The following SPARCL1 variants were observed in gnomAD, a reference collection of about 807,000 sequenced individuals.
SPARCL1 encodes SPARC-like protein 1.
Under a neutral mutation model 67.1 loss-of-function variants are expected in SPARCL1, and 52 were observed. The observed-to-expected ratio is 0.78, with a 90% CI of 0.62 to 0.98. The LOEUF (loss-of-function observed/expected upper bound fraction) is 0.98. SPARCL1 is among the 50% of genes least tolerant of loss of function. The probability of loss-of-function intolerance (pLI) is 0.00; values close to 1 mark genes in which losing one functional copy is unlikely to be tolerated. For synonymous variants in SPARCL1, 226 were observed against 267.8 expected, an observed-to-expected ratio of 0.84 and a Z score of 1.52; for missense variants, 717 against 782.4, an observed-to-expected ratio of 0.92 and a Z score of 1.00.
intron 7 of SPARCL1, among the ~76,000 whole-genome samples, chr4:87,488,990 A>G (rs907509833): frequency 4.6e-5 from 7 of 152,224 alleles, no homozygotes; most frequent in African/African-American, 1.4e-4. Flanking sequence ...TGCTGGCAGC[A>G]AGAATTTCAA....
chr4:87,508,091 A>G (rs555800935), intron 1 of SPARCL1, among the ~76,000 whole-genome samples: 2 of 152,220 alleles, frequency 1.3e-5, no homozygotes, highest in South Asian at 4.1e-4. Context: ...TGGAGACTTC[A>G]TGAAAGGATA....
intron 1 of SPARCL1, chr4:87,528,495 A>G (rs1200527260): frequency 2.0e-5 from 3 of 152,194 alleles, no homozygotes; most frequent in African/African-American, 7.2e-5. Flanking sequence ...AGGGAAAATA[A>G]TCGCAATAAC....
At chr4:87,497,556 T>C (rs965098324) in intron 2 of SPARCL1, among the ~76,000 whole-genome samples, 8 of 152,240 alleles carry the variant, frequency 5.3e-5, no homozygotes, top group African/African-American at 1.9e-4. Context: ...ATTTGGAATC[T>C]CCCAACTACA....
chr4:87,511,893 A>G (rs776696783), intron 1 of SPARCL1, among the ~76,000 whole-genome samples: 1 of 151,946 alleles, frequency 6.6e-6, no homozygotes, highest in African/African-American at 2.4e-5. Context: ...GGGAATATGC[A>G]GTTACAGGAA....
intron 7 of SPARCL1, among the ~76,000 whole-genome samples, chr4:87,489,751 T>C (rs1288754040): frequency 6.6e-6 from 1 of 152,162 alleles, no homozygotes; most frequent in Non-Finnish European, 1.5e-5. Flanking sequence ...TCCTCTCCTG[T>C]GTCTGGAAGG....
chr4:87,499,960 C>T (rs1724780537), intron 1 of SPARCL1, among the ~76,000 whole-genome samples: 1 of 152,064 alleles, frequency 6.6e-6, no homozygotes, highest in Non-Finnish European at 1.5e-5. Flanking sequence ...TAAAGAAACA[C>T]ATTCATTCAG....
At position 87,511,967 on chromosome 4, in the gene SPARCL1, C is replaced by CTCTTTTT. The variant is rs71667858; in HGVS notation, c.-11-12383_-11-12382insAAAAAGA. 5.6e-3 allele frequency among the ~76,000 whole-genome samples: 677 copies of CTCTTTTT among 121,510 alleles called. 28 individuals carry two copies. The highest frequency in any genetic ancestry group is 0.02 in the African/African-American group (631 of 31,400). The allele number at this position is 121,510 out of a possible 152,430, so 79.7% of individuals were successfully genotyped here. ...TTCCTTTCCTTTCCTCTTTCTTTCT[C>CTCTTTTT]TTTTTTTTTTTTTTTGAGACAGAGT... is the stretch of plus-strand genomic sequence containing the variant. On this transcript the variant is annotated intron_variant, in intron 1 of 10. Transcript: ENST00000282470.
In SPARCL1 at chr4:87,482,059, A is replaced by C. The variant is rs116257930; in HGVS notation, c.1668+365T>G. ...TTGAGTAATGGATTTACTTTATATC[A>C]TACATCTATGTCTGGCCTATGAGAA... On this transcript the variant is annotated intron_variant, in intron 8 of 10. Transcript: ENST00000282470. Among the ~76,000 whole-genome samples the C allele has an allele frequency of 6.5e-3, 987 of 152,350 alleles. 11 individuals carry two copies. The highest frequency in any genetic ancestry group is 0.022 in the African/African-American group (924 of 41,592).
chr4:87,515,259 A>C (rs1230001646), intron 1 of SPARCL1, among the ~76,000 whole-genome samples: 1 of 152,212 alleles, frequency 6.6e-6, no homozygotes, highest in Non-Finnish European at 1.5e-5. Context: ...GACTTTGATC[A>C]AGTCACTGGT....
At chr4:87,502,529 T>A in intron 1 of SPARCL1, among the ~76,000 whole-genome samples, 1 of 152,242 alleles carries the variant, frequency 6.6e-6, no homozygotes, top group Admixed American at 6.5e-5. Flanking sequence ...ATACTGTTAA[T>A]TTTTTATTTC....
At chr4:87,477,138 G>C (rs1333640814) in intron 10 of SPARCL1, among the ~76,000 whole-genome samples, 2 of 152,216 alleles carry the variant, frequency 1.3e-5, no homozygotes. Flanking sequence ...GCCCAGCGGA[G>C]CCTGGGTGAG....
At chr4:87,513,011 G>T (rs1219961096) in intron 1 of SPARCL1, among the ~76,000 whole-genome samples, 2 of 152,092 alleles carry the variant, frequency 1.3e-5, no homozygotes, top group Admixed American at 1.3e-4. Flanking sequence ...ATATTTACTG[G>T]TCTACTATTA....
At chr4:87,517,338 A>C (rs374406680) in intron 1 of SPARCL1, among the ~76,000 whole-genome samples, 1 of 152,188 alleles carries the variant, frequency 6.6e-6, no homozygotes, top group Admixed American at 6.5e-5. Flanking sequence ...AAACATATGT[A>C]TAAACTCTTG....
chr4:87,494,119 C>A lies in SPARCL1; in HGVS notation c.681G>T (p.Glu227Asp), dbSNP rs748234038. ...CTTCCTCCTGCTTGCTGTTAGCATGCTCCCTGGGCAATTCTGTCTTTCTTT... is the reference window on the plus strand; with the variant it reads ...CTTCCTCCTGCTTGCTGTTAGCATGATCCCTGGGCAATTCTGTCTTTCTTT... ...NQERKTELPR[E>D]HANSKQEEDN... The change falls in exon 4 of 11, where the codon GAG becomes GAT. Residue 227 changes from glutamate (E) to aspartate (D), a missense_variant. Transcript: ENST00000282470. 2.5e-6 allele frequency: 4 copies of A among 1,613,748 alleles called. No individual in the cohort carries two copies. Among genetic ancestry groups the A allele is most frequent in the Non-Finnish European group, 3.4e-6 (4 of 1,180,024 alleles).
At chr4:87,515,144 C>T (rs1056698782) in intron 1 of SPARCL1, among the ~76,000 whole-genome samples, 1 of 152,168 alleles carries the variant, frequency 6.6e-6, no homozygotes, top group Non-Finnish European at 1.5e-5. Context: ...TTATTTTGCT[C>T]AAATGCGTGA....
intron 7 of SPARCL1, among the ~76,000 whole-genome samples, chr4:87,488,939 C>G (rs965204588): frequency 6.6e-5 from 10 of 152,182 alleles, no homozygotes; most frequent in South Asian, 6.2e-4. Flanking sequence ...GCCCCTCCCC[C>G]CCACCAAACT....
At chr4:87,485,548 A>G (rs575335523) in intron 7 of SPARCL1, among the ~76,000 whole-genome samples, 215 of 145,300 alleles carry the variant, frequency 1.5e-3, no homozygotes, top group Non-Finnish European at 1.9e-3. Context: ...TATATCCTTC[A>G]GGTTTTGGTA....
At chr4:87,476,708 T>A (rs764168420) in intron 10 of SPARCL1, among the ~76,000 whole-genome samples, 1 of 152,206 alleles carries the variant, frequency 6.6e-6, no homozygotes, top group Non-Finnish European at 1.5e-5. Context: ...ACCTGTTACC[T>A]GAACCCCATT....
At chr4:87,508,889 G>GTATATATATATA (rs142792848) in intron 1 of SPARCL1, among the ~76,000 whole-genome samples, 12,841 of 137,966 alleles carry the variant, frequency 0.093, 623 homozygotes, top group East Asian at 0.11. Flanking sequence ...ATGTATATAA[G>GTATATATATATA]TATATATATA....
Sources: gnomAD v4.1 joint callset for allele counts (sites outside exome capture counted in the v4.1 genomes callset) on GRCh38, gnomAD v4.1.1 for gene constraint, MANE v1.5 for transcripts, NCBI Gene and HGNC (gene_info 2026-07-23, HGNC 2026-07-21) for gene names.